The following ST6GAL1 variants were observed in gnomAD, a reference collection of about 807,000 sequenced individuals.
ST6GAL1 encodes the protein beta-galactoside alpha-2,6-sialyltransferase 1.
In ST6GAL1, 20 loss-of-function variants were observed where a neutral mutation model predicts 38.0. The observed-to-expected ratio is 0.53, with a 90% CI of 0.37 to 0.77. The LOEUF (loss-of-function observed/expected upper bound fraction) is 0.77. ST6GAL1 is among the 30% of genes least tolerant of loss of function. The probability of loss-of-function intolerance (pLI) is 0.00; values close to 1 mark genes in which losing one functional copy is unlikely to be tolerated. For missense variants in ST6GAL1, 432 were observed against 496.4 expected, an observed-to-expected ratio of 0.87 and a Z score of 1.23; for synonymous variants, 196 against 188.2, an observed-to-expected ratio of 1.04 and a Z score of -0.34.
chr3:187,046,541 G>T (rs1317401140), intron 4 of ST6GAL1, among the ~76,000 whole-genome samples: 1 of 57,950 alleles, frequency 1.7e-5, no homozygotes, highest in African/African-American at 1.7e-4. Context: ...ACAAAGAAAA[G>T]AACAGGGAAA....
At chr3:187,044,174 A>G (rs1216583083) in intron 4 of ST6GAL1, among the ~76,000 whole-genome samples, 2 of 152,206 alleles carry the variant, frequency 1.3e-5, no homozygotes, top group Non-Finnish European at 2.9e-5. Context: ...GTGAATCAAG[A>G]TAGAAAGTCT....
chr3:186,940,698 C>T (rs1295250729), intron 1 of ST6GAL1, among the ~76,000 whole-genome samples: 1 of 151,698 alleles, frequency 6.6e-6, no homozygotes, highest in Non-Finnish European at 1.5e-5. Flanking sequence ...GCCAAAAGAT[C>T]GGACATTCCT....
intron 2 of ST6GAL1, among the ~76,000 whole-genome samples, chr3:187,020,032 C>T (rs9863411): frequency 0.35 from 53,851 of 152,042 alleles, 9,874 homozygotes; most frequent in East Asian, 0.43. Flanking sequence ...GGCATGGTGG[C>T]TTATGCCTGT....
intron 2 of ST6GAL1, among the ~76,000 whole-genome samples, chr3:187,037,501 A>G (rs1717969778): frequency 6.6e-6 from 1 of 152,190 alleles, no homozygotes; most frequent in East Asian, 1.9e-4. Context: ...AACTGAATGT[A>G]TTAAACTTTT....
At chr3:187,074,980 G>T (rs1719512408) in intron 7 of ST6GAL1, among the ~76,000 whole-genome samples, 1 of 152,094 alleles carries the variant, frequency 6.6e-6, no homozygotes, top group African/African-American at 2.4e-5. Flanking sequence ...GCTGGCCAGG[G>T]GCCCCCTTCT....
At chr3:186,966,997 C>T (rs1715153839) in intron 2 of ST6GAL1, among the ~76,000 whole-genome samples, 1 of 152,160 alleles carries the variant, frequency 6.6e-6, no homozygotes, top group African/African-American at 2.4e-5. Context: ...GAAACTCTGG[C>T]CCACACTTGG....
intron 2 of ST6GAL1, among the ~76,000 whole-genome samples, chr3:187,006,801 G>C (rs1716799644): frequency 6.6e-6 from 1 of 152,104 alleles, no homozygotes. Context: ...TCAGATGTTT[G>C]AACAAAGAGA....
intron 1 of ST6GAL1, among the ~76,000 whole-genome samples, chr3:186,932,813 C>A (rs1472501568): frequency 6.6e-6 from 1 of 152,138 alleles, no homozygotes; most frequent in Non-Finnish European, 1.5e-5. Context: ...TTGTATTTGG[C>A]AGAGAAGTAG....
chr3:187,024,493 T>G (rs13086938), intron 2 of ST6GAL1, among the ~76,000 whole-genome samples: 9,229 of 85,608 alleles, frequency 0.11, 323 homozygotes, highest in Admixed American at 0.16. Context: ...TATATATATA[T>G]AGAGAGAGAG....
intron 6 of ST6GAL1, chr3:187,073,276 T>C (rs1019603311): frequency 4.1e-6 from 1 of 246,156 alleles, no homozygotes; most frequent in Admixed American, 5.1e-5. Context: ...TCGAGAGTAG[T>C]TGCCGTTACT....
At chr3:187,074,423 TC>T in intron 7 of ST6GAL1, 90 bp downstream of exon 7, 1 of 1,369,422 alleles carries the variant, frequency 7.3e-7, no homozygotes, top group Non-Finnish European at 9.7e-7. Context: ...ATTCGTTTGT[TC>T]ATTTGTTCAC....
intron 1 of ST6GAL1, chr3:186,931,392 A>G (rs1713745689): frequency 6.6e-6 from 1 of 152,270 alleles, no homozygotes; most frequent in Admixed American, 6.5e-5. Context: ...AGACATTTAA[A>G]AGGTACCGCT....
chr3:186,979,595 G>A (rs1444201328), intron 2 of ST6GAL1, among the ~76,000 whole-genome samples: 1 of 152,118 alleles, frequency 6.6e-6, no homozygotes, highest in East Asian at 1.9e-4. Flanking sequence ...CATAGTGCTC[G>A]GGGGCATCCT....
At chr3:186,942,484 T>A (rs866273085) in intron 1 of ST6GAL1, 15 of 152,000 alleles carry the variant, frequency 9.9e-5, no homozygotes, top group African/African-American at 3.6e-4. Context: ...GTTGATGGAG[T>A]TTTCCTTAGT....
chr3:186,987,196 G>GA (rs59834484), intron 2 of ST6GAL1, among the ~76,000 whole-genome samples: 13,406 of 100,408 alleles, frequency 0.13, 805 homozygotes, highest in East Asian at 0.31. Context: ...GGGAGGGAGG[G>GA]AGGGAAGGAA....
At chr3:187,052,343 A>T (rs951154846) in intron 5 of ST6GAL1, among the ~76,000 whole-genome samples, 1 of 152,194 alleles carries the variant, frequency 6.6e-6, no homozygotes, top group Non-Finnish European at 1.5e-5. Flanking sequence ...ACATGTGCAC[A>T]ATGTGCAGAT....
chr3:186,998,337 G>A (rs1321827678), intron 2 of ST6GAL1, among the ~76,000 whole-genome samples: 3 of 152,106 alleles, frequency 2.0e-5, no homozygotes, highest in African/African-American at 7.2e-5. Context: ...AAAAACTGAT[G>A]AACACATATT....
intron 4 of ST6GAL1, among the ~76,000 whole-genome samples, chr3:187,044,492 G>A (rs1014168740): frequency 3.9e-5 from 6 of 152,180 alleles, no homozygotes; most frequent in African/African-American, 7.2e-5. Context: ...CAGCTGCCCC[G>A]CTGGCCGGCC....
chr3:186,958,428 C>T (rs1714816521), intron 1 of ST6GAL1, among the ~76,000 whole-genome samples: 1 of 151,838 alleles, frequency 6.6e-6, no homozygotes, highest in Admixed American at 6.6e-5. Context: ...GAGCTAAATC[C>T]TTATTTTCTA....
Sources: gnomAD v4.1 joint callset for allele counts (sites outside exome capture counted in the v4.1 genomes callset) on GRCh38, gnomAD v4.1.1 for gene constraint, MANE v1.5 for transcripts, NCBI Gene and HGNC (gene_info 2026-07-23, HGNC 2026-07-21) for gene names.